The following RIF1 variants were observed in gnomAD, a reference collection of about 807,000 sequenced individuals.
RIF1 encodes replication timing regulatory factor 1.
A neutral mutation model predicts 247.1 loss-of-function variants in RIF1; 45 were observed. That is an observed-to-expected ratio of 0.18 (90% CI 0.14 to 0.23). The LOEUF (loss-of-function observed/expected upper bound fraction) is 0.23, where lower values mean the gene tolerates loss of function less well. Ranked by LOEUF, RIF1 falls within the 10% of genes least tolerant of loss-of-function variation. The pLI, the probability that RIF1 is intolerant of heterozygous loss-of-function variation, is 1.00. For synonymous variants in RIF1, 1,087 were observed against 978.8 expected (o/e 1.11, Z -2.06); for missense variants, 2,967 against 2,862.5 (o/e 1.04, Z -0.83).
At chr2:151,494,519 T>G (rs565431433) in intron 9 of RIF1, among the ~76,000 whole-genome samples, 1 of 152,174 alleles carries the variant, frequency 6.6e-6, no homozygotes, top group South Asian at 2.1e-4. Flanking sequence ...CACCATCATT[T>G]TACCGCTAGT....
intron 12 of RIF1, chr2:151,505,336 A>G: frequency 1.4e-6 from 1 of 710,068 alleles, no homozygotes; most frequent in Non-Finnish European, 2.4e-6. Flanking sequence ...ACCTGTAGTG[A>G]CCCCATCAAG....
At chr2:151,430,458 A>G (rs2152294935) in intron 9 of RIF1, among the ~76,000 whole-genome samples, 1 of 151,968 alleles carries the variant, frequency 6.6e-6, no homozygotes, top group South Asian at 2.1e-4. Context: ...AGTAGCTGGG[A>G]TGACAGGCGC....
chr2:151,410,398 C>T lies in RIF1; in HGVS notation c.-10-16C>T, dbSNP rs773868197. The T allele has an allele frequency of 3.4e-5, 54 of 1,603,260 alleles. No homozygotes were observed. Among genetic ancestry groups the T allele is most frequent in the Admixed American group, 2.0e-4 (12 of 59,140 alleles). On this transcript the variant is annotated splice_polypyrimidine_tract_variant and intron_variant, in intron 1 of 35. Coordinates refer to ENST00000444746, the MANE Select transcript of RIF1 (RefSeq NM_018151.5). ...ATCGGTCACTGGATTTTCTCCTCTTCCGGTTCGGGCCTCAGGGTGGCCGAC... is the reference window on the plus strand; with the variant it reads ...ATCGGTCACTGGATTTTCTCCTCTTTCGGTTCGGGCCTCAGGGTGGCCGAC...
At chr2:151,436,697 A>G (rs1691286512) in intron 11 of RIF1, 130 bp from the exon 12 acceptor site, 2 of 635,920 alleles carry the variant, frequency 3.1e-6, no homozygotes, top group Non-Finnish European at 2.6e-6. Context: ...TAATATTTCA[A>G]GGTATGGATT....
chr2:151,437,291 G>A lies in RIF1; in HGVS notation c.1423G>A (p.Ala475Thr). 1 of 1,613,688 alleles carries A rather than the reference G, an allele frequency of 6.2e-7. No homozygotes were observed. Among genetic ancestry groups the A allele is most frequent in the Non-Finnish European group, 8.5e-7 (1 of 1,179,828 alleles). ...CAGCCCTTCCTTTTTTTCCAAACAT[G>A]CAAATACACTTATCACTGCTGTTCA... ...ISSPSFFSKH[A>T]NTLITAVHDS... Residue 475 changes from alanine to threonine, a missense_variant, in exon 13 of 36, where the codon GCA becomes ACA. By Grantham distance (58) the Ala-to-Thr change is moderately conservative. Transcript: ENST00000444746.
chr2:151,463,083 C>T lies in RIF1; in HGVS notation c.3563C>T (p.Ala1188Val), dbSNP rs762772243. The T allele has an allele frequency of 1.9e-6, 3 of 1,613,702 alleles. No homozygotes were observed. Among genetic ancestry groups the T allele is most frequent in the Non-Finnish European group, 2.5e-6 (3 of 1,179,774 alleles). ...TCAAGGAAAACATCAACTGAATGTG[C>T]ATCTAGTACAGAAAATTCTTTCGTT... ...ISSRKTSTEC[A>V]SSTENSFVVS... The change falls in exon 30 of 36, where the codon GCA (alanine) becomes GTA (valine). Residue 1188 changes from alanine to valine, a missense_variant. Ala to Val is a moderately conservative substitution (Grantham distance 64). Transcript: ENST00000444746.
Position 151,420,191 on chromosome 2 carries a change from C to T in RIF1, c.505C>T (p.Leu169=). The T allele has an allele frequency of 6.2e-7, 1 of 1,612,302 alleles. No homozygotes were observed. Among genetic ancestry groups the T allele is most frequent in the Non-Finnish European group, 8.5e-7 (1 of 1,178,666 alleles). Residue 169 remains leucine, a splice_region_variant and synonymous_variant, in exon 7 of 36, where the codon CTA becomes TTA. Coordinates refer to ENST00000444746, the MANE Select transcript of RIF1 (RefSeq NM_018151.5). The part of the protein sequence containing the change: ...DFEALNVIVR[L]IEQAPIQMGE... The stretch of plus-strand genomic sequence containing the variant: ...TATTCATTGATTTCTCTATTATAGG[C>T]TAATTGAACAAGCCCCAATTCAAAT...
chr2:151,454,854 A>T, intron 21 of RIF1, 41 bp from the exon 22 acceptor site: 1 of 1,464,444 alleles, frequency 6.8e-7, no homozygotes, highest in Non-Finnish European at 9.2e-7. Flanking sequence ...TCCTATTTTC[A>T]ATTTATTTGA....
chr2:151,441,988 T>C lies in RIF1; in HGVS notation c.1731T>C (p.Leu577=). Residue 577 remains leucine, a synonymous_variant, in exon 16 of 36, where the codon CTT becomes CTC. Transcript: ENST00000444746. ...ATCAGGTTGCTAATATGGATATTCTTAATGCAAGTATCTTAAATGTAATAT... is the reference window on the plus strand; with the variant it reads ...ATCAGGTTGCTAATATGGATATTCTCAATGCAAGTATCTTAAATGTAATAT... ...PAYQVANMDI[L]NGTPALFLIQ... is the part of the protein sequence containing the mutation. 7.2e-7 allele frequency: 1 copy of C among 1,387,336 alleles called. No homozygotes were observed. The highest frequency in any genetic ancestry group is 9.9e-7 in the Non-Finnish European group (1 of 1,007,416). The allele number at this position is 1,387,336 out of a possible 1,614,324, so 85.9% of individuals were successfully genotyped here.
the RIF1 span, among the ~76,000 whole-genome samples, chr2:151,531,473 C>T: frequency 6.6e-6 from 1 of 152,028 alleles, no homozygotes; most frequent in African/African-American, 2.4e-5. Context: ...TGCACCACTG[C>T]ATCTGGCTAA....
intron 1 of RIF1, 174 bp from the exon 2 acceptor site, chr2:151,410,240 G>C (rs1239380951): frequency 4.7e-6 from 3 of 632,608 alleles, no homozygotes; most frequent in South Asian, 3.6e-5. Context: ...CTGGTGTCGG[G>C]CGCCGGAGGA....
intron 6 of RIF1, among the ~76,000 whole-genome samples, chr2:151,417,890 C>CT (rs1687484627): frequency 6.6e-6 from 1 of 152,150 alleles, no homozygotes; most frequent in African/African-American, 2.4e-5. Context: ...TGCTCCTAGG[C>CT]TACAGACCTG....
At chr2:151,512,168 C>CTACAGGT (rs2074998151), downstream of RIF1, among the ~76,000 whole-genome samples, 1 of 151,596 alleles carries the variant, frequency 6.6e-6, no homozygotes, top group African/African-American at 2.4e-5. Flanking sequence ...GTAGCTGGGA[C>CTACAGGT]TACAGGTGCC....
intron 8 of RIF1, among the ~76,000 whole-genome samples, chr2:151,427,293 C>T (rs1689272711): frequency 6.6e-6 from 1 of 151,794 alleles, no homozygotes; most frequent in South Asian, 2.1e-4. Context: ...TCACTGCAGC[C>T]TCGGCCTCTC....
intron 7 of RIF1, among the ~76,000 whole-genome samples, chr2:151,421,510 A>G (rs1314707058): frequency 2.6e-5 from 4 of 152,220 alleles, no homozygotes; most frequent in African/African-American, 9.6e-5. Flanking sequence ...ACATAGGACT[A>G]TGGCAGGGAC....
intron 8 of RIF1, among the ~76,000 whole-genome samples, chr2:151,426,362 G>A (rs1689104495): frequency 6.6e-6 from 1 of 151,128 alleles, no homozygotes; most frequent in South Asian, 2.1e-4. Context: ...TTTTAGTAGA[G>A]ACAGTGTTTC....
intron 6 of RIF1, among the ~76,000 whole-genome samples, 176 bp downstream of exon 6, chr2:151,417,077 A>G (rs1687332584): frequency 6.6e-6 from 1 of 152,200 alleles, no homozygotes; most frequent in Admixed American, 6.5e-5. Context: ...TGTGTGGGTT[A>G]CTAGGTTTTT....
At chr2:151,491,511 AT>A (rs1182929104) in intron 9 of RIF1, 1 of 558,078 alleles carries the variant, frequency 1.8e-6, no homozygotes, top group Non-Finnish European at 3.2e-6. Context: ...ACTTGAACTT[AT>A]CTAGAAAGTA....
intron 34 of RIF1, among the ~76,000 whole-genome samples, chr2:151,472,255 C>T (rs2048596353): frequency 1.3e-5 from 2 of 152,014 alleles, no homozygotes; most frequent in South Asian, 2.1e-4. Context: ...GCTTATTGGC[C>T]CAAGGAGATT....
Sources: gnomAD v4.1 joint callset for allele counts (sites outside exome capture counted in the v4.1 genomes callset) on GRCh38, gnomAD v4.1.1 for gene constraint, MANE v1.5 for transcripts, NCBI Gene and HGNC (gene_info 2026-07-23, HGNC 2026-07-21) for gene names.